LAPTM4B: variants seen among roughly 807,000 people sequenced by gnomAD.
LAPTM4B encodes the protein lysosomal-associated transmembrane protein 4B.
A neutral mutation model predicts 28.5 loss-of-function variants in LAPTM4B; 26 were observed. The ratio of observed to expected loss-of-function variants is 0.91; its 90% confidence interval spans 0.67 to 1.27. The LOEUF is 1.27. LAPTM4B is among the 50% of genes most tolerant of loss of function. The probability of loss-of-function intolerance (pLI) is 0.00; values close to 1 mark genes in which losing one functional copy is unlikely to be tolerated. For missense variants in LAPTM4B, 288 were observed against 285.8 expected (o/e 1.01, Z -0.06); for synonymous variants, 109 against 106.4 (o/e 1.02, Z -0.15).
chr8:97,839,609 CG>C lies in LAPTM4B; in HGVS notation c.604-11787del, dbSNP rs544570645. On this transcript the variant is annotated intron_variant, in intron 6 of 6. Coordinates refer to ENST00000521545, the MANE Select transcript of LAPTM4B (RefSeq NM_018407.6). ...AGAAGACTACACGAGCACTTGTAAA[CG>C]TTAGGAGGCTTTGCATCTGGGGGAT... Among the ~76,000 whole-genome samples, 568 of 152,300 alleles carry C rather than the reference CG, an allele frequency of 3.7e-3. 2 individuals are homozygous for C. Among genetic ancestry groups the C allele is most frequent in the Non-Finnish European group, 5.2e-3 (354 of 68,032 alleles).
intron 5 of LAPTM4B, among the ~76,000 whole-genome samples, chr8:97,821,191 T>C (rs1235050581): frequency 1.3e-5 from 2 of 151,560 alleles, no homozygotes; most frequent in African/African-American, 4.8e-5. Context: ...AAAAAATTAG[T>C]TGGGCATGGT....
At chr8:97,827,131 GT>G (rs1817102377) in intron 6 of LAPTM4B, among the ~76,000 whole-genome samples, 4 of 152,146 alleles carry the variant, frequency 2.6e-5, no homozygotes, top group Admixed American at 2.0e-4. Flanking sequence ...CGATACATAG[GT>G]TTTCATCCAC....
chr8:97,811,980 A>G (rs963895175), intron 2 of LAPTM4B, among the ~76,000 whole-genome samples: 3 of 151,484 alleles, frequency 2.0e-5, no homozygotes, highest in Non-Finnish European at 4.4e-5. Flanking sequence ...TAATTTTTGT[A>G]TTTTTAGTAG....
At chr8:97,818,953 A>G (rs776474742) in intron 4 of LAPTM4B, among the ~76,000 whole-genome samples, 187 bp from the exon 5 acceptor site, 9 of 152,076 alleles carry the variant, frequency 5.9e-5, no homozygotes, top group Non-Finnish European at 1.2e-4. Flanking sequence ...ATGTCCCTGG[A>G]TACCGATCAC....
intron 2 of LAPTM4B, 155 bp from the exon 3 acceptor site, chr8:97,815,173 C>T: frequency 3.2e-6 from 2 of 623,210 alleles, no homozygotes; most frequent in Non-Finnish European, 5.7e-6. Context: ...AAACCAATAT[C>T]CCTTTTTCTA....
chr8:97,797,227 C>T (rs1368405021), intron 1 of LAPTM4B, among the ~76,000 whole-genome samples: 1 of 151,916 alleles, frequency 6.6e-6, no homozygotes, highest in Non-Finnish European at 1.5e-5. Context: ...CTCTGCTTCC[C>T]AGGTTGAAGC....
At chr8:97,823,055 G>T (rs865811320) in intron 5 of LAPTM4B, among the ~76,000 whole-genome samples, 3 of 151,952 alleles carry the variant, frequency 2.0e-5, no homozygotes, top group African/African-American at 7.2e-5. Context: ...GTTAGCCAGG[G>T]TGGTCTCTAT....
At chr8:97,846,805 C>T (rs1178844999) in intron 6 of LAPTM4B, among the ~76,000 whole-genome samples, 4 of 152,184 alleles carry the variant, frequency 2.6e-5, no homozygotes, top group African/African-American at 9.7e-5. Context: ...ATAGACCCAC[C>T]TCACTCAACT....
intron 2 of LAPTM4B, among the ~76,000 whole-genome samples, chr8:97,814,438 T>TG (rs1186093366): frequency 6.6e-6 from 1 of 151,938 alleles, no homozygotes; most frequent in East Asian, 1.9e-4. Flanking sequence ...CTGGGAGACT[T>TG]GCTTGAGCCT....
At chr8:97,843,809 AAATAAATC>A (rs978815400) in intron 6 of LAPTM4B, among the ~76,000 whole-genome samples, 10 of 142,232 alleles carry the variant, frequency 7.0e-5, no homozygotes, top group African/African-American at 2.6e-4. Context: ...ATAAATAAAT[AAATAAATC>A]ATTTGCTTAC....
At chr8:97,815,169 A>G in intron 2 of LAPTM4B, 159 bp from the exon 3 acceptor site, 1 of 620,926 alleles carries the variant, frequency 1.6e-6, no homozygotes, top group East Asian at 2.8e-5. Flanking sequence ...CTGTAAACCA[A>G]TATCCCTTTT....
intron 2 of LAPTM4B, among the ~76,000 whole-genome samples, chr8:97,810,776 TG>T (rs1388511431): frequency 2.0e-5 from 3 of 152,374 alleles, no homozygotes; most frequent in Non-Finnish European, 4.4e-5. Flanking sequence ...GTGGTAGATT[TG>T]TCTTTCTGGT....
chr8:97,782,541 C>T (rs992883029), intron 1 of LAPTM4B, among the ~76,000 whole-genome samples: 14 of 150,766 alleles, frequency 9.3e-5, no homozygotes, highest in African/African-American at 2.2e-4. Flanking sequence ...CGGGTTCAAG[C>T]GATTCTCCTG....
At chr8:97,811,679 A>T (rs1392800610) in intron 2 of LAPTM4B, among the ~76,000 whole-genome samples, 1 of 152,208 alleles carries the variant, frequency 6.6e-6, no homozygotes, top group Non-Finnish European at 1.5e-5. Flanking sequence ...CATACCGCAG[A>T]CTAACTTGGC....
At chr8:97,843,585 G>A (rs1817383677) in intron 6 of LAPTM4B, among the ~76,000 whole-genome samples, 3 of 151,950 alleles carry the variant, frequency 2.0e-5, no homozygotes, top group African/African-American at 7.3e-5. Context: ...TGAGAGACCA[G>A]CCTGGCCAAC....
At chr8:97,808,510 A>G (rs1278122899) in intron 2 of LAPTM4B, among the ~76,000 whole-genome samples, 1 of 152,162 alleles carries the variant, frequency 6.6e-6, no homozygotes, top group Non-Finnish European at 1.5e-5. Context: ...CACATGAGTT[A>G]AATATGGAAA....
intron 1 of LAPTM4B, among the ~76,000 whole-genome samples, chr8:97,801,291 C>T (rs963082840): frequency 6.6e-6 from 1 of 151,848 alleles, no homozygotes; most frequent in East Asian, 1.9e-4. Flanking sequence ...AAGCGATTCT[C>T]CTGCCTTGGC....
chr8:97,781,776 C>T (rs1357231488), intron 1 of LAPTM4B, among the ~76,000 whole-genome samples: 1 of 152,158 alleles, frequency 6.6e-6, no homozygotes, highest in Non-Finnish European at 1.5e-5. Flanking sequence ...CCTTCTGTAT[C>T]TAGCTTCTTT....
At chr8:97,782,279 CTTTTTTTTTTT>C (rs34322160) in intron 1 of LAPTM4B, among the ~76,000 whole-genome samples, 852 of 50,296 alleles carry the variant, frequency 0.017, 16 homozygotes, top group African/African-American at 0.053. Context: ...CCATGCCCAG[CTTTTTTTTTTT>C]TTTTTTTTTT....
Sources: allele counts gnomAD v4.1 joint callset (sites outside exome capture counted in the v4.1 genomes callset), GRCh38; gene constraint gnomAD v4.1.1; transcripts MANE v1.5; gene names NCBI Gene and HGNC (gene_info 2026-07-23, HGNC 2026-07-21).